METTL15: variants seen among roughly 807,000 people sequenced by gnomAD.
METTL15 encodes the protein 12S rRNA N(4)-cytidine methyltransferase METTL15.
In METTL15, 34 loss-of-function variants were observed where a neutral mutation model predicts 38.3. The observed-to-expected ratio is 0.89, with a 90% CI of 0.68 to 1.18. The LOEUF (loss-of-function observed/expected upper bound fraction) is 1.18, where lower values mean the gene tolerates loss of function less well. Ranked by LOEUF, METTL15 falls within the 50% of genes most tolerant of loss-of-function variation. The pLI, the probability that METTL15 is intolerant of heterozygous loss-of-function variation, is 0.00. For synonymous variants in METTL15, 162 were observed against 170.9 expected (o/e 0.95, Z 0.41); for missense variants, 438 against 498.4 (o/e 0.88, Z 1.15).
chr11:28,175,121 C>G (rs1272669758), intron 3 of METTL15, among the ~76,000 whole-genome samples: 1 of 151,660 alleles, frequency 6.6e-6, no homozygotes, highest in Non-Finnish European at 1.5e-5. Context: ...CAACAGGCCC[C>G]GATGTGTGAT....
rs930136656 is a variant in METTL15 at position 28,184,837 on chromosome 11, G to A, written c.271-26225G>A. 2.6e-5 allele frequency among the ~76,000 whole-genome samples: 4 copies of A among 151,392 alleles called. No individual in the cohort carries two copies. In the South Asian group the frequency reaches 8.3e-4, roughly 31 times the overall value. On this transcript the variant is annotated intron_variant, in intron 3 of 6. Transcript: ENST00000407364. ...TAAAGGATATTTTATATTCTCTACA[G>A]AGTAGGCCTCTAGGAGTATATGTGT...
chr11:28,341,372 T>C (rs1849951482), intron 3 of METTL15, among the ~76,000 whole-genome samples: 1 of 152,212 alleles, frequency 6.6e-6, no homozygotes, highest in Admixed American at 6.5e-5. Context: ...ATGAAAGATA[T>C]TCTTTATTAA....
intron 6 of METTL15, among the ~76,000 whole-genome samples, chr11:28,458,101 C>A (rs543292457): frequency 6.6e-6 from 1 of 152,140 alleles, no homozygotes; most frequent in South Asian, 2.1e-4. Context: ...GAGGATGTGC[C>A]CAGAAAAACC....
intron 6 of METTL15, among the ~76,000 whole-genome samples, chr11:28,434,359 T>C (rs897112702): frequency 6.6e-6 from 1 of 152,220 alleles, no homozygotes; most frequent in Non-Finnish European, 1.5e-5. Flanking sequence ...GTCTCAGTTA[T>C]GTCTTTATTA....
intron 6 of METTL15, among the ~76,000 whole-genome samples, chr11:28,514,406 A>G (rs1254372539): frequency 6.6e-6 from 1 of 152,220 alleles, no homozygotes; most frequent in African/African-American, 2.4e-5. Flanking sequence ...TAGATGTCAT[A>G]TATAGGAGGA....
At chr11:28,149,470 T>A (rs761209988) in intron 3 of METTL15, among the ~76,000 whole-genome samples, 2 of 152,024 alleles carry the variant, frequency 1.3e-5, no homozygotes, top group South Asian at 2.1e-4. Context: ...CAGTTTGCAT[T>A]TTTTAGACTG....
chr11:28,404,422 C>T (rs1850657133), intron 5 of METTL15, among the ~76,000 whole-genome samples: 1 of 152,004 alleles, frequency 6.6e-6, no homozygotes, highest in South Asian at 2.1e-4. Context: ...GATTTGTTGT[C>T]TGGTTAGGGC....
At chr11:28,363,145 G>A (rs150767889) in intron 5 of METTL15, among the ~76,000 whole-genome samples, 4 of 152,052 alleles carry the variant, frequency 2.6e-5, no homozygotes, top group African/African-American at 7.2e-5. Context: ...TTGGCCACTT[G>A]TATGTCTTTA....
intron 3 of METTL15, among the ~76,000 whole-genome samples, chr11:28,170,425 A>G (rs1850815958): frequency 6.6e-6 from 1 of 152,152 alleles, no homozygotes; most frequent in Non-Finnish European, 1.5e-5. Flanking sequence ...TTGTGTAAAA[A>G]CAATTTGGGG....
Position 28,171,818 on chromosome 11 carries a change from G to T in METTL15, c.271-39244G>T, listed in dbSNP as rs572818708. 6.6e-5 allele frequency among the ~76,000 whole-genome samples: 10 copies of T among 151,108 alleles called. No individual in the cohort carries two copies. In the South Asian group the frequency reaches 2.1e-3, roughly 32 times the overall value. On this transcript the variant is annotated intron_variant, in intron 3 of 6. Coordinates refer to ENST00000407364, the MANE Select transcript of METTL15 (RefSeq NM_001113528.2). The stretch of plus-strand genomic sequence containing the variant: ...TTTTTTTTCTTTTTTTAGGGACAGG[G>T]TATTCCTCTATCACCCAGACTGGAG...
intron 4 of METTL15, among the ~76,000 whole-genome samples, chr11:28,264,249 A>G (rs1481107577): frequency 6.6e-6 from 1 of 152,096 alleles, no homozygotes; most frequent in Non-Finnish European, 1.5e-5. Flanking sequence ...TTATGTTACT[A>G]TTTATATTGC....
chr11:28,153,254 T>C (rs772941766), intron 3 of METTL15, among the ~76,000 whole-genome samples: 3 of 152,118 alleles, frequency 2.0e-5, no homozygotes, highest in Non-Finnish European at 4.4e-5. Context: ...ATGGTTTCAC[T>C]CTGGTTCGAA....
At chr11:28,296,639 C>T (rs1856745158) in intron 5 of METTL15, 114 bp from the exon 6 acceptor site, 2 of 1,077,680 alleles carry the variant, frequency 1.9e-6, no homozygotes, top group Non-Finnish European at 2.7e-6. Flanking sequence ...TTTAAAACCT[C>T]ACTTCTCCTA....
At chr11:28,413,513 T>C (rs907840659) in intron 5 of METTL15, among the ~76,000 whole-genome samples, 6 of 152,190 alleles carry the variant, frequency 3.9e-5, no homozygotes, top group Admixed American at 6.6e-5. Context: ...AACACTCTTA[T>C]TGAAATAAAA....
At chr11:28,350,458 T>C (rs531389779) in intron 3 of METTL15, among the ~76,000 whole-genome samples, 3 of 152,336 alleles carry the variant, frequency 2.0e-5, no homozygotes, top group Admixed American at 2.0e-4. Context: ...TACTCTACAA[T>C]TTAAGCATGT....
chr11:28,442,435 C>G (rs1449532544), intron 6 of METTL15, among the ~76,000 whole-genome samples: 1 of 151,948 alleles, frequency 6.6e-6, no homozygotes, highest in Non-Finnish European at 1.5e-5. Flanking sequence ...TGATCATTAG[C>G]TCATGGCATT....
chr11:28,167,132 TTGAG>T (rs974389223), intron 3 of METTL15, among the ~76,000 whole-genome samples: 3 of 152,158 alleles, frequency 2.0e-5, no homozygotes, highest in Non-Finnish European at 4.4e-5. Context: ...TTCAGGAACT[TTGAG>T]TGATCTTTGC....
intron 3 of METTL15, among the ~76,000 whole-genome samples, chr11:28,152,851 C>T (rs1850138692): frequency 6.6e-6 from 1 of 151,892 alleles, no homozygotes; most frequent in South Asian, 2.1e-4. Flanking sequence ...ATTGTTATTT[C>T]TAGATTATAT....
intron 6 of METTL15, among the ~76,000 whole-genome samples, chr11:28,468,529 G>T (rs1234383569): frequency 4.6e-5 from 7 of 151,964 alleles, no homozygotes; most frequent in Non-Finnish European, 8.8e-5. Context: ...GAGACCAAGG[G>T]GTTGTTCATA....
Sources: allele counts gnomAD v4.1 joint callset (sites outside exome capture counted in the v4.1 genomes callset), GRCh38; gene constraint gnomAD v4.1.1; transcripts MANE v1.5; gene names NCBI Gene and HGNC (gene_info 2026-07-23, HGNC 2026-07-21).